NELL1: variants seen among roughly 807,000 people sequenced by gnomAD.
The protein encoded by NELL1 is neural EGFL like 1, also known as protein kinase C-binding protein NELL1.
In NELL1, 76 loss-of-function variants were observed where a neutral mutation model predicts 107.4. The ratio of observed to expected loss-of-function variants is 0.71; its 90% CI spans 0.59 to 0.86. The LOEUF (loss-of-function observed/expected upper bound fraction) is 0.86, where lower values mean the gene tolerates loss of function less well. Ranked by LOEUF, NELL1 falls within the 40% of genes least tolerant of loss-of-function variation. NELL1 has a pLI of 0.00. For synonymous variants in NELL1, 353 were observed against 341.2 expected (o/e 1.03, Z -0.38); for missense variants, 1,024 against 1,005.5 (o/e 1.02, Z -0.25).
At chr11:21,456,377 A>AAGG in intron 15 of NELL1, among the ~76,000 whole-genome samples, 1 of 151,942 alleles carries the variant, frequency 6.6e-6, no homozygotes, top group African/African-American at 2.4e-5. Context: ...TTCATCCATT[A>AAGG]CAGAGAATAT....
chr11:21,139,981 A>AAGAACAACATTATGTCC (rs1234299365), intron 13 of NELL1, among the ~76,000 whole-genome samples: 1 of 152,126 alleles, frequency 6.6e-6, no homozygotes, highest in African/African-American at 2.4e-5. Flanking sequence ...GATGAGTGTC[A>AAGAACAACATTATGTCC]AGAACAACAT....
rs553929426 is a variant in NELL1, at chr11:20,857,946, G to T, written c.506+10193G>T. Among the ~76,000 whole-genome samples the T allele has an allele frequency of 5.9e-5, 9 of 152,308 alleles. No individual in the cohort carries two copies. In the East Asian group the frequency reaches 1.7e-3, roughly 29 times the overall value. ...CCAAGCTCCAGTATTCCTTGATAAA[G>T]ATGCAGTTAGTAACTGCATATGCTG... On this transcript the variant is annotated intron_variant, in intron 4 of 19. Coordinates refer to ENST00000357134, the MANE Select transcript of NELL1 (RefSeq NM_006157.5).
At chr11:20,824,545 G>A (rs1857831191) in intron 3 of NELL1, among the ~76,000 whole-genome samples, 1 of 151,284 alleles carries the variant, frequency 6.6e-6, no homozygotes, top group Non-Finnish European at 1.5e-5. Flanking sequence ...ATGTGGGAAA[G>A]TTTAGAACTT....
chr11:21,496,705 G>A (rs12146591), intron 15 of NELL1, among the ~76,000 whole-genome samples: 2 of 152,100 alleles, frequency 1.3e-5, no homozygotes, highest in African/African-American at 2.4e-5. Context: ...ACAGCGCCCA[G>A]CCTGTTCTTT....
At chr11:21,314,004 CCCCCCG>C (rs1565162886) in intron 14 of NELL1, among the ~76,000 whole-genome samples, 1,336 of 114,212 alleles carry the variant, frequency 0.012, 94 homozygotes, top group African/African-American at 0.045. Context: ...CCCCCCCCCC[CCCCCCG>C]CGACCCCCAC....
Position 21,166,662 on chromosome 11 carries a change from C to T in NELL1, c.1426+52948C>T, listed in dbSNP as rs924945870. Among the ~76,000 whole-genome samples the T allele has an allele frequency of 1.8e-4, 28 of 151,804 alleles. 1 individual carries two copies. The highest frequency in any genetic ancestry group is 6.6e-4 in the African/African-American group (27 of 41,158). Reference sequence around the variant, plus strand: ...AGCGCACAAAAAATCTGTCTTTTCTCTAGTATTTCCTATTTCTATAAATAG... The same window carrying T: ...AGCGCACAAAAAATCTGTCTTTTCTTTAGTATTTCCTATTTCTATAAATAG... On this transcript the variant is annotated intron_variant, in intron 13 of 19. Transcript: ENST00000357134.
At chr11:20,696,691 T>A (rs1854626356) in intron 2 of NELL1, among the ~76,000 whole-genome samples, 2 of 152,264 alleles carry the variant, frequency 1.3e-5, no homozygotes, top group African/African-American at 4.8e-5. Flanking sequence ...TTGGTCTACA[T>A]CTTACCATTT....
At chr11:20,823,933 A>C (rs1475453139) in intron 3 of NELL1, among the ~76,000 whole-genome samples, 1 of 151,374 alleles carries the variant, frequency 6.6e-6, no homozygotes, top group Non-Finnish European at 1.5e-5. Context: ...GATTTAAACA[A>C]GATGGAAGGG....
At chr11:21,108,883 T>C (rs1855036132) in intron 12 of NELL1, among the ~76,000 whole-genome samples, 1 of 152,170 alleles carries the variant, frequency 6.6e-6, no homozygotes, top group African/African-American at 2.4e-5. Context: ...ATATAGAATT[T>C]GGAGATCTAT....
At chr11:21,138,636 GA>G (rs1370269572) in intron 13 of NELL1, among the ~76,000 whole-genome samples, 1 of 152,170 alleles carries the variant, frequency 6.6e-6, no homozygotes, top group Non-Finnish European at 1.5e-5. Context: ...AACAAAGTAT[GA>G]AATCCAACTG....
At chr11:20,815,711 G>C (rs757899045) in intron 3 of NELL1, among the ~76,000 whole-genome samples, 18 of 152,120 alleles carry the variant, frequency 1.2e-4, no homozygotes, top group Non-Finnish European at 2.1e-4. Flanking sequence ...TGGGGTCTTA[G>C]CCATAAATTC....
intron 16 of NELL1, among the ~76,000 whole-genome samples, chr11:21,550,009 A>G (rs1856538731): frequency 6.6e-6 from 1 of 151,814 alleles, no homozygotes; most frequent in African/African-American, 2.4e-5. Context: ...CATGAAGCCC[A>G]TCTGAATTTG....
intron 12 of NELL1, among the ~76,000 whole-genome samples, chr11:20,995,397 T>C (rs1403547529): frequency 6.6e-6 from 1 of 151,888 alleles, no homozygotes; most frequent in Non-Finnish European, 1.5e-5. Context: ...GCCAGCATGG[T>C]GAAACCCCGT....
intron 3 of NELL1, among the ~76,000 whole-genome samples, chr11:20,818,168 A>G (rs1857664987): frequency 6.6e-6 from 1 of 152,108 alleles, no homozygotes; most frequent in African/African-American, 2.4e-5. Context: ...CAGTGATCTA[A>G]TACTATCAGT....
rs527712417 is a variant in NELL1, at chr11:21,344,160, G to A, written c.1550-26693G>A. Reference sequence around the variant, plus strand: ...CTCGGGTATCCTATTGCCCTCAAATGTTGTGGCTTTCCTTGAAACCAGCCA... The same window carrying A: ...CTCGGGTATCCTATTGCCCTCAAATATTGTGGCTTTCCTTGAAACCAGCCA... On this transcript the variant is annotated intron_variant, in intron 14 of 19. Transcript: ENST00000357134. 4.6e-5 allele frequency among the ~76,000 whole-genome samples: 7 copies of A among 152,280 alleles called. No individual in the cohort carries two copies. In the East Asian group the frequency reaches 1.4e-3, roughly 29 times the overall value.
intron 18 of NELL1, among the ~76,000 whole-genome samples, chr11:21,571,425 C>A (rs1285771590): frequency 4.0e-5 from 6 of 151,852 alleles, no homozygotes; most frequent in Admixed American, 2.0e-4. Context: ...CAAGTCCTAG[C>A]ATTTTACTGA....
At chr11:21,035,394 A>G (rs1342933974) in intron 12 of NELL1, among the ~76,000 whole-genome samples, 5 of 151,938 alleles carry the variant, frequency 3.3e-5, no homozygotes, top group African/African-American at 7.2e-5. Context: ...TCATCCTAAT[A>G]CCAAAACCTG....
intron 14 of NELL1, among the ~76,000 whole-genome samples, chr11:21,258,102 G>T (rs978251809): frequency 6.6e-6 from 1 of 152,002 alleles, no homozygotes; most frequent in African/African-American, 2.4e-5. Flanking sequence ...CAAGTTTAAG[G>T]TTTGGATTCT....
At chr11:20,751,561 T>G (rs1856139243) in intron 2 of NELL1, among the ~76,000 whole-genome samples, 2 of 152,076 alleles carry the variant, frequency 1.3e-5, no homozygotes, top group Admixed American at 6.5e-5. Flanking sequence ...ACTGGAGCCT[T>G]GAACTCCTGG....
Sources: gnomAD v4.1 joint callset for allele counts (sites outside exome capture counted in the v4.1 genomes callset) on GRCh38, gnomAD v4.1.1 for gene constraint, MANE v1.5 for transcripts, NCBI Gene and HGNC (gene_info 2026-07-23, HGNC 2026-07-21) for gene names.